Variants in APAF1 observed in about 807,000 individuals in gnomAD.
APAF1 encodes apoptotic peptidase activating factor 1, also known as apoptotic protease-activating factor 1.
Under a neutral mutation model 152.4 loss-of-function variants are expected in APAF1, and 91 were observed. The ratio of observed to expected loss-of-function variants is 0.60; its 90% CI spans 0.50 to 0.71. APAF1 has a LOEUF of 0.71. Ranked by LOEUF, APAF1 falls within the 30% of genes least tolerant of loss-of-function variation. The pLI is 0.00. For synonymous variants in APAF1, 484 were observed against 494.1 expected, an observed-to-expected ratio of 0.98 and a Z score of 0.27; for missense variants, 1,283 against 1,472.0, an observed-to-expected ratio of 0.87 and a Z score of 2.10.
At chr12:98,679,376 G>C (rs2097689945) in intron 13 of APAF1, among the ~76,000 whole-genome samples, 2 of 152,134 alleles carry the variant, frequency 1.3e-5, no homozygotes. Flanking sequence ...CTCCTGAGCT[G>C]TGGAAAGGAG....
At chr12:98,699,737 G>T (rs2097713355) in intron 17 of APAF1, among the ~76,000 whole-genome samples, 168 bp downstream of exon 17, 1 of 152,184 alleles carries the variant, frequency 6.6e-6, no homozygotes, top group Non-Finnish European at 1.5e-5. Flanking sequence ...GTGAGATAAG[G>T]ATGGCCTTGT....
At chr12:98,668,132 G>A (rs1467548768) in intron 10 of APAF1, among the ~76,000 whole-genome samples, 2 of 152,048 alleles carry the variant, frequency 1.3e-5, no homozygotes, top group South Asian at 2.1e-4. Flanking sequence ...TGTTGTCGTC[G>A]TTGTTTGGTA....
At chr12:98,654,676 G>A (rs973029733) in intron 4 of APAF1, among the ~76,000 whole-genome samples, 3 of 151,912 alleles carry the variant, frequency 2.0e-5, no homozygotes, top group Non-Finnish European at 4.4e-5. Context: ...CAAAGTTCTG[G>A]GATTACAGGT....
In APAF1 at chr12:98,680,272, T is replaced by G; in HGVS notation, c.1921-5T>G. ...ATAAAAAATATTTTATTGTTACTTG[T>G]GCAGGTGTTCAAAGCTGAAACAGGA... On this transcript the variant is annotated splice_region_variant and splice_polypyrimidine_tract_variant and intron_variant, in intron 13 of 26. Transcript: ENST00000551964. The G allele has an allele frequency of 1.9e-6, 3 of 1,591,172 alleles. No individual in the cohort carries two copies. The highest frequency in any genetic ancestry group is 2.6e-6 in the Non-Finnish European group (3 of 1,166,910).
At chr12:98,706,707 A>G in intron 19 of APAF1, 97 bp downstream of exon 19, 3 of 1,371,208 alleles carry the variant, frequency 2.2e-6, no homozygotes, top group Non-Finnish European at 3.1e-6. Flanking sequence ...AGGTAAGCAG[A>G]ATAGGAAACT....
intron 26 of APAF1, among the ~76,000 whole-genome samples, chr12:98,727,598 A>C: frequency 6.6e-6 from 1 of 151,870 alleles, no homozygotes. Context: ...ACTAAAGAAA[A>C]GAACAGAAAA....
At chr12:98,716,754 C>A (rs1401330026) in intron 22 of APAF1, among the ~76,000 whole-genome samples, 1 of 151,990 alleles carries the variant, frequency 6.6e-6, no homozygotes, top group Non-Finnish European at 1.5e-5. Context: ...CCTTTTTGTT[C>A]CAGTTTGCTT....
At chr12:98,646,839 T>C (rs898296477) in intron 1 of APAF1, among the ~76,000 whole-genome samples, 1 of 152,216 alleles carries the variant, frequency 6.6e-6, no homozygotes, top group Non-Finnish European at 1.5e-5. Flanking sequence ...CTATAAAGGC[T>C]GTTATTCTTT....
chr12:98,670,914 A>T (rs548390374), intron 10 of APAF1, 59 bp from the exon 11 acceptor site: 2 of 959,908 alleles, frequency 2.1e-6, no homozygotes, highest in African/African-American at 1.6e-5. Context: ...TAATGATGTT[A>T]TACCTAAAAT....
intron 3 of APAF1, 34 bp downstream of exon 3, chr12:98,648,849 A>G (rs369766511): frequency 1.3e-5 from 20 of 1,596,704 alleles, no homozygotes; most frequent in Non-Finnish European, 1.5e-5. Flanking sequence ...TCACTTTGCT[A>G]TCAAAATTGC....
chr12:98,710,758 G>T (rs1291451284), intron 20 of APAF1, among the ~76,000 whole-genome samples: 1 of 152,220 alleles, frequency 6.6e-6, no homozygotes, highest in Non-Finnish European at 1.5e-5. Context: ...GTAGAGCTCA[G>T]CTTGGTGTAG....
chr12:98,723,132 A>G, intron 22 of APAF1, 61 bp from the exon 23 acceptor site: 1 of 1,552,904 alleles, frequency 6.4e-7, no homozygotes, highest in Non-Finnish European at 8.9e-7. Context: ...CACTCTCTCC[A>G]CCCCTCCAAT....
chr12:98,652,963 C>A (rs2153307557), intron 4 of APAF1, among the ~76,000 whole-genome samples: 1 of 152,090 alleles, frequency 6.6e-6, no homozygotes, highest in South Asian at 2.1e-4. Context: ...AATTTGCCAT[C>A]TGATTAATTT....
chr12:98,695,491 A>C (rs1052245895), intron 16 of APAF1, among the ~76,000 whole-genome samples: 3 of 152,022 alleles, frequency 2.0e-5, no homozygotes, highest in Admixed American at 6.5e-5. Context: ...TAGCCTCCTG[A>C]GGAGCTGGGA....
chr12:98,698,559 T>C (rs1342562981), intron 16 of APAF1, among the ~76,000 whole-genome samples: 1 of 152,222 alleles, frequency 6.6e-6, no homozygotes, highest in Non-Finnish European at 1.5e-5. Context: ...TCTTAGTATA[T>C]ATAATACTTC....
At chr12:98,699,841 C>A (rs1484543858) in intron 17 of APAF1, among the ~76,000 whole-genome samples, 1 of 152,082 alleles carries the variant, frequency 6.6e-6, no homozygotes, top group African/African-American at 2.4e-5. Flanking sequence ...TATTCAGGGC[C>A]CCAGGAAGTC....
At chr12:98,715,724 G>A (rs1011378191) in intron 22 of APAF1, among the ~76,000 whole-genome samples, 172 bp downstream of exon 22, 6 of 152,170 alleles carry the variant, frequency 3.9e-5, no homozygotes, top group Admixed American at 6.5e-5. Flanking sequence ...TTCTGTGGGT[G>A]AGGCAGACAG....
chr12:98,688,506 C>G (rs1204293006), intron 16 of APAF1, among the ~76,000 whole-genome samples: 2 of 135,462 alleles, frequency 1.5e-5, no homozygotes, highest in Non-Finnish European at 3.1e-5. Context: ...GAGTCTCACT[C>G]TTTCACTCAG....
chr12:98,678,375 G>A (rs1348627799), intron 13 of APAF1, among the ~76,000 whole-genome samples: 5 of 152,220 alleles, frequency 3.3e-5, no homozygotes, highest in Non-Finnish European at 5.9e-5. Context: ...CATGCTCTGT[G>A]GAGCTGGCGG....
Sources: allele counts gnomAD v4.1 joint callset (sites outside exome capture counted in the v4.1 genomes callset), GRCh38; gene constraint gnomAD v4.1.1; transcripts MANE v1.5; gene names NCBI Gene and HGNC (gene_info 2026-07-23, HGNC 2026-07-21).